The following KATNAL2 variants were observed in gnomAD, a reference collection of about 807,000 sequenced individuals.
KATNAL2 encodes the protein katanin catalytic subunit A1 like 2.
A neutral mutation model predicts 76.3 loss-of-function variants in KATNAL2; 52 were observed. The observed-to-expected ratio is 0.68, with a 90% CI of 0.55 to 0.86. The LOEUF (loss-of-function observed/expected upper bound fraction) is 0.86. KATNAL2 is among the 40% of genes least tolerant of loss of function. KATNAL2 has a pLI of 0.00. For missense variants in KATNAL2, 660 were observed against 668.9 expected (o/e 0.99, Z 0.15); for synonymous variants, 243 against 244.2 (o/e 1.00, Z 0.05).
rs1383780188 is a variant in KATNAL2, at chr18:47,058,437, T to A, written c.450+85T>A. 5.1e-6 allele frequency: 4 copies of A among 790,950 alleles called. No individual in the cohort carries two copies. In the African/African-American group the frequency reaches 6.9e-5, roughly 14 times the overall value. The allele number at this position is 790,950 out of a possible 1,614,324, so 49.0% of individuals were successfully genotyped here. ...AAAAAGGTCACATTTATTTATTTTTTGAGGACCTACGCTTTTAAAATTGCT... is the reference window on the plus strand; with the variant it reads ...AAAAAGGTCACATTTATTTATTTTTAGAGGACCTACGCTTTTAAAATTGCT... On this transcript the variant is annotated intron_variant, in intron 7 of 17. Coordinates refer to ENST00000683218, the MANE Select transcript of KATNAL2 (RefSeq NM_001387690.1).
intron 3 of KATNAL2, among the ~76,000 whole-genome samples, chr18:47,041,088 C>A (rs1004825253): frequency 1.3e-5 from 2 of 152,210 alleles, no homozygotes; most frequent in Admixed American, 1.3e-4. Flanking sequence ...GATTCACAGC[C>A]AAATTGAACA....
chr18:47,071,936 T>C, intron 13 of KATNAL2, among the ~76,000 whole-genome samples: 1 of 139,454 alleles, frequency 7.2e-6, no homozygotes, highest in African/African-American at 2.6e-5. Context: ...AGGAAACAAT[T>C]CCTCTCCCAA....
At chr18:47,095,663 G>C (rs1237433434) in intron 15 of KATNAL2, among the ~76,000 whole-genome samples, 1 of 152,190 alleles carries the variant, frequency 6.6e-6, no homozygotes, top group Non-Finnish European at 1.5e-5. Context: ...CCTTCTGTTG[G>C]AACATCCTTG....
chr18:46,918,694 T>A (rs1250328804), intron 1 of KATNAL2, among the ~76,000 whole-genome samples: 2 of 152,150 alleles, frequency 1.3e-5, no homozygotes, highest in African/African-American at 4.8e-5. Flanking sequence ...AGTACTGAGA[T>A]TACAGGCGTG....
chr18:47,031,389 T>G (rs1382645495), intron 3 of KATNAL2, among the ~76,000 whole-genome samples: 1 of 152,136 alleles, frequency 6.6e-6, no homozygotes, highest in Non-Finnish European at 1.5e-5. Context: ...ATTTTTAATT[T>G]CTCGTGTGAC....
chr18:47,090,414 G>C (rs777309177), intron 15 of KATNAL2, among the ~76,000 whole-genome samples: 3 of 152,078 alleles, frequency 2.0e-5, no homozygotes, highest in Non-Finnish European at 4.4e-5. Context: ...GCCCGAAATA[G>C]TATTTCTTGA....
chr18:47,044,184 C>T (rs1267635726), intron 3 of KATNAL2, among the ~76,000 whole-genome samples: 1 of 151,832 alleles, frequency 6.6e-6, no homozygotes, highest in African/African-American at 2.4e-5. Flanking sequence ...AATACACTAA[C>T]ACTAATGATA....
At chr18:47,047,131 T>C (rs1377216533) in intron 4 of KATNAL2, among the ~76,000 whole-genome samples, 1 of 152,116 alleles carries the variant, frequency 6.6e-6, no homozygotes, top group African/African-American at 2.4e-5. Flanking sequence ...ATGTTTTCCA[T>C]GCTGGTCTCA....
At chr18:47,081,421 T>C (rs2062515237) in intron 15 of KATNAL2, among the ~76,000 whole-genome samples, 1 of 152,230 alleles carries the variant, frequency 6.6e-6, no homozygotes, top group South Asian at 2.1e-4. Context: ...ATTATTTTAA[T>C]ATCAGTATAA....
intron 3 of KATNAL2, chr18:47,033,165 G>A (rs1395142626): frequency 2.5e-6 from 4 of 1,613,942 alleles, no homozygotes; most frequent in Non-Finnish European, 3.4e-6. Flanking sequence ...AGCGAAGGAT[G>A]CTGCTGCTGC....
chr18:46,931,830 T>C (rs920648144), intron 1 of KATNAL2, among the ~76,000 whole-genome samples: 2 of 151,734 alleles, frequency 1.3e-5, no homozygotes, highest in Non-Finnish European at 2.9e-5. Flanking sequence ...TAGAGACCAA[T>C]ACAGTTAAAG....
chr18:47,045,110 A>T (rs1453784150), intron 3 of KATNAL2, among the ~76,000 whole-genome samples: 1 of 151,992 alleles, frequency 6.6e-6, no homozygotes, highest in Non-Finnish European at 1.5e-5. Context: ...AAAAAAAATT[A>T]AAAAAGAAAA....
chr18:46,949,029 G>A (rs751059590), intron 3 of KATNAL2, among the ~76,000 whole-genome samples: 20 of 151,538 alleles, frequency 1.3e-4, no homozygotes, highest in African/African-American at 2.2e-4. Context: ...TTCAAGTAGC[G>A]GGAACTACAG....
At chr18:47,065,177 A>G (rs2061751905) in intron 10 of KATNAL2, among the ~76,000 whole-genome samples, 1 of 152,184 alleles carries the variant, frequency 6.6e-6, no homozygotes, top group Non-Finnish European at 1.5e-5. Flanking sequence ...TACTTTCTCT[A>G]GACCAGATGC....
chr18:47,059,468 C>A, intron 7 of KATNAL2, 88 bp from the exon 8 acceptor site: 3 of 866,534 alleles, frequency 3.5e-6, no homozygotes, highest in Non-Finnish European at 5.9e-6. Context: ...TATCCAGCAT[C>A]GGACTTTGCT....
intron 13 of KATNAL2, among the ~76,000 whole-genome samples, chr18:47,070,580 A>G (rs1186673999): frequency 6.6e-6 from 1 of 152,218 alleles, no homozygotes; most frequent in Admixed American, 6.5e-5. Flanking sequence ...CACGCTCTGT[A>G]GAATGGCAGA....
intron 3 of KATNAL2, chr18:47,033,519 GTC>G: frequency 6.2e-7 from 1 of 1,614,060 alleles, no homozygotes; most frequent in South Asian, 1.1e-5. Context: ...TCCGTAATTC[GTC>G]TGTCTCTCTA....
intron 15 of KATNAL2, among the ~76,000 whole-genome samples, chr18:47,082,650 T>C (rs1236671740): frequency 2.0e-5 from 3 of 152,230 alleles, no homozygotes. Flanking sequence ...GGCTCCATTT[T>C]GTGTGTATAA....
chr18:46,933,963 C>T (rs1451103825), intron 1 of KATNAL2, among the ~76,000 whole-genome samples: 85 of 136,882 alleles, frequency 6.2e-4, no homozygotes, highest in South Asian at 1.5e-3. Flanking sequence ...CATGTCCCTA[C>T]AAAGGACATG....
Sources: allele counts gnomAD v4.1 joint callset (sites outside exome capture counted in the v4.1 genomes callset), GRCh38; gene constraint gnomAD v4.1.1; transcripts MANE v1.5; gene names NCBI Gene and HGNC (gene_info 2026-07-23, HGNC 2026-07-21).